Variants in BICRA observed in about 807,000 individuals in gnomAD.
BICRA encodes BRD4 interacting chromatin remodeling complex associated protein, also known as BRD4-interacting chromatin-remodeling complex-associated protein.
Under a neutral mutation model 96.9 loss-of-function variants are expected in BICRA, and 31 were observed. The ratio of observed to expected loss-of-function variants is 0.32; its 90% CI spans 0.24 to 0.43. The LOEUF is 0.43. Ranked by LOEUF, BICRA falls within the 20% of genes least tolerant of loss-of-function variation. BICRA has a pLI of 1.00. For missense variants in BICRA, 2,283 were observed against 2,190.3 expected, an observed-to-expected ratio of 1.04 and a Z score of -0.84; for synonymous variants, 1,350 against 1,071.8, an observed-to-expected ratio of 1.26 and a Z score of -5.07.
intron 1 of BICRA, among the ~76,000 whole-genome samples, chr19:47,627,452 A>T (rs1303621878): frequency 6.6e-6 from 1 of 152,188 alleles, no homozygotes; most frequent in Non-Finnish European, 1.5e-5. Flanking sequence ...CTGACCTTGT[A>T]GGTGTTTCAA....
chr19:47,641,731 A>G lies in BICRA; in HGVS notation c.-107-28712A>G, dbSNP rs184317543. Reference sequence around the variant, plus strand: ...TTAGGATTTTTTTCTATTCCTGTGAACAATGCCATTGGAATTTTGATAGTG... The same window carrying G: ...TTAGGATTTTTTTCTATTCCTGTGAGCAATGCCATTGGAATTTTGATAGTG... On this transcript the variant is annotated intron_variant, in intron 1 of 14. Coordinates refer to ENST00000594866, the MANE Select transcript of BICRA (RefSeq NM_001394372.1). Among the ~76,000 whole-genome samples, 153 of 152,306 alleles carry G rather than the reference A, an allele frequency of 1.0e-3. 1 individual carries two copies. Among genetic ancestry groups the G allele is most frequent in the Non-Finnish European group, 1.8e-3 (122 of 68,040 alleles).
chr19:47,672,343 GTAGA>G (rs1177792785), intron 2 of BICRA, among the ~76,000 whole-genome samples: 3 of 148,044 alleles, frequency 2.0e-5, no homozygotes, highest in Non-Finnish European at 4.5e-5. Context: ...GGATGGGTAG[GTAGA>G]TGGATGGAAG....
chr19:47,619,835 G>A (rs866758419), intron 1 of BICRA, among the ~76,000 whole-genome samples: 7 of 152,208 alleles, frequency 4.6e-5, no homozygotes, highest in Admixed American at 1.3e-4. Flanking sequence ...GGCTGAGGCT[G>A]CAGAGAGCCA....
intron 1 of BICRA, among the ~76,000 whole-genome samples, chr19:47,625,434 G>A (rs1462446940): frequency 3.3e-5 from 5 of 152,074 alleles, no homozygotes; most frequent in Admixed American, 2.0e-4. Context: ...CTCCCTCCTC[G>A]GGGAAGCCCT....
At chr19:47,696,577 G>A in intron 11 of BICRA, 65 bp downstream of exon 11, 3 of 1,472,068 alleles carry the variant, frequency 2.0e-6, no homozygotes, top group Non-Finnish European at 2.8e-6. Context: ...GGAGCATGGG[G>A]CCACCCTCCA....
In BICRA at chr19:47,679,431, A is replaced by G; in HGVS notation, c.261A>G (p.Thr87=). ...LEDDILGSPA[T]GGGGGGSGGA... is the part of the protein sequence containing the mutation. ...ATGACATCCTGGGCTCTCCTGCGAC[A>G]GGGGGCGGCGGCGGGGGCAGTGGGG... The change falls in exon 6 of 15, where the codon ACA becomes ACG. Residue 87 remains threonine (T), a synonymous_variant. Transcript: ENST00000594866. 1 of 1,489,100 alleles carries G rather than the reference A, an allele frequency of 6.7e-7. No individual in the cohort carries two copies. The highest frequency in any genetic ancestry group is 9.0e-7 in the Non-Finnish European group (1 of 1,117,204). The allele number at this position is 1,489,100 out of a possible 1,614,324, so 92.2% of individuals were successfully genotyped here.
chr19:47,681,386 G>A, intron 6 of BICRA, 110 bp downstream of exon 6: 1 of 61,308 alleles, frequency 1.6e-5, no homozygotes, highest in South Asian at 4.2e-4. Flanking sequence ...TGTGGCAGCT[G>A]GGGGGGGAAG....
chr19:47,614,183 G>A (rs1971951347), intron 1 of BICRA, among the ~76,000 whole-genome samples: 2 of 152,022 alleles, frequency 1.3e-5, no homozygotes, highest in Non-Finnish European at 2.9e-5. Context: ...TACACACACG[G>A]GGCAAATTCA....
At chr19:47,642,973 T>C (rs1972405671) in intron 1 of BICRA, among the ~76,000 whole-genome samples, 1 of 152,222 alleles carries the variant, frequency 6.6e-6, no homozygotes, top group Non-Finnish European at 1.5e-5. Flanking sequence ...CATTTTAAAT[T>C]GGATCATTTG....
intron 1 of BICRA, among the ~76,000 whole-genome samples, chr19:47,628,246 A>C (rs913527002): frequency 6.6e-6 from 1 of 152,096 alleles, no homozygotes; most frequent in Non-Finnish European, 1.5e-5. Flanking sequence ...GCAGATCCAC[A>C]GTTTTCTAGA....
chr19:47,679,854 C>A lies in BICRA; in HGVS notation c.684C>A (p.Ala228=). The A allele has an allele frequency of 6.7e-7, 1 of 1,498,862 alleles. No individual in the cohort carries two copies. The highest frequency in any genetic ancestry group is 1.3e-5 in the South Asian group (1 of 78,540). 92.8% of individuals were successfully genotyped at this position (1,498,862 alleles called of 1,614,324 possible). ...GCAGCCCTGGGGGTGCCACGGCGGC[C>A]ACACTGGGCCTGGCGCCCATCCAGG... ...PNGSPGGATA[A]TLGLAPIQVV... Residue 228 remains alanine, a synonymous_variant, in exon 6 of 15, where the codon GCC becomes GCA. Transcript: ENST00000594866.
At position 47,616,419 on chromosome 19, in the gene BICRA, T is replaced by C. The variant is rs149381881; in HGVS notation, c.-108+7251T>C. On this transcript the variant is annotated intron_variant, in intron 1 of 14. Transcript: ENST00000594866. ...TGGGAGGCCAAGGCAGGCGGATCAC[T>C]TGAGGTCAGGAGTTCGAGACCAGCC... Among the ~76,000 whole-genome samples the C allele has an allele frequency of 7.1e-3, 1,077 of 152,158 alleles. 22 individuals carry two copies. Among genetic ancestry groups the C allele is most frequent in the African/African-American group, 0.024 (1,005 of 41,522 alleles).
chr19:47,659,503 G>A lies in BICRA; in HGVS notation c.-107-10940G>A, dbSNP rs376091025. Among the ~76,000 whole-genome samples the A allele has an allele frequency of 1.7e-4, 26 of 152,220 alleles. No homozygotes were observed. In the East Asian group the frequency reaches 3.9e-3, roughly 23 times the overall value. The stretch of plus-strand genomic sequence containing the variant: ...AATGGTGCTTTGTCCGAGAGGGCAT[G>A]ACTCTGTGGTGTGTCCTTTGTATGA... On this transcript the variant is annotated intron_variant, in intron 1 of 14. Coordinates refer to ENST00000594866, the MANE Select transcript of BICRA (RefSeq NM_001394372.1).
intron 1 of BICRA, among the ~76,000 whole-genome samples, chr19:47,614,883 C>T (rs1240182438): frequency 1.3e-5 from 2 of 152,124 alleles, no homozygotes; most frequent in Admixed American, 1.3e-4. Context: ...GAAATGAGTA[C>T]GCCTGTGGGA....
At chr19:47,655,803 C>A (rs1195894366) in intron 1 of BICRA, among the ~76,000 whole-genome samples, 1 of 151,522 alleles carries the variant, frequency 6.6e-6, no homozygotes, top group Non-Finnish European at 1.5e-5. Flanking sequence ...TTGCAGTGAG[C>A]CGAGATCGCT....
At chr19:47,687,670 C>G (rs1227285039) in intron 7 of BICRA, among the ~76,000 whole-genome samples, 1 of 151,924 alleles carries the variant, frequency 6.6e-6, no homozygotes, top group Non-Finnish European at 1.5e-5. Flanking sequence ...ATGGTGGGCA[C>G]CTGTAATCCC....
chr19:47,699,458 T>C lies in BICRA; in HGVS notation c.3595+53T>C. On this transcript the variant is annotated intron_variant, in intron 14 of 14. Coordinates refer to ENST00000594866, the MANE Select transcript of BICRA (RefSeq NM_001394372.1). This position sits in a 1 kb window ranked among gnomAD's most constrained non-coding sequence, Gnocchi z 5.0. ...GAGGGAGAGGTGCCCCCACCCCACC[T>C]GGGCAGAAGAGTTAGATTCAGGGCG... is the stretch of plus-strand genomic sequence containing the variant. 6 of 1,019,844 alleles carry C rather than the reference T, an allele frequency of 5.9e-6. No individual in the cohort carries two copies. The highest frequency in any genetic ancestry group is 9.0e-6 in the Non-Finnish European group (6 of 663,222). The allele number at this position is 1,019,844 out of a possible 1,614,324, so 63.2% of individuals were successfully genotyped here. A position where few individuals can be genotyped will look rare whatever the true frequency, so the allele number is the denominator to read the frequency against.
intron 1 of BICRA, among the ~76,000 whole-genome samples, chr19:47,623,965 C>G (rs1371853041): frequency 6.6e-6 from 1 of 151,890 alleles, no homozygotes. Context: ...GATTCTCGTG[C>G]CTCAGCTCCC....
intron 11 of BICRA, among the ~76,000 whole-genome samples, chr19:47,697,713 G>A (rs1973369313): frequency 6.6e-6 from 1 of 151,652 alleles, no homozygotes; most frequent in Non-Finnish European, 1.5e-5. Flanking sequence ...TCTGGCCTCA[G>A]GTGACCCACC....
Sources: allele counts gnomAD v4.1 joint callset (sites outside exome capture counted in the v4.1 genomes callset), GRCh38; gene constraint gnomAD v4.1.1; non-coding constraint Gnocchi (gnomAD v3.1); transcripts MANE v1.5; gene names NCBI Gene and HGNC (gene_info 2026-07-23, HGNC 2026-07-21).